C3orf49: variants seen among roughly 807,000 people sequenced by gnomAD.
C3orf49 encodes the protein putative uncharacterized protein C3orf49.
C3orf49 carries 27 observed loss-of-function variants against 13.3 expected under a neutral mutation model. That is an observed-to-expected ratio of 2.02 (90% CI 1.49 to 2.79). The LOEUF is 2.79. Ranked by LOEUF, C3orf49 falls within the 30% of genes most tolerant of loss-of-function variation. C3orf49 has a pLI of 0.00. For synonymous variants in C3orf49, 87 were observed against 47.6 expected (o/e 1.83, Z -3.40); for missense variants, 242 against 134.2 (o/e 1.80, Z -3.97).
chr3:63,794,281 G>T, the C3orf49 span, among the ~76,000 whole-genome samples: 1 of 151,842 alleles, frequency 6.6e-6, no homozygotes, highest in Non-Finnish European at 1.5e-5. Flanking sequence ...ATCTTCCTCC[G>T]TTTCTATAAA....
At chr3:63,780,945 T>A in the C3orf49 span, among the ~76,000 whole-genome samples, 41 of 152,206 alleles carry the variant, frequency 2.7e-4, no homozygotes, top group African/African-American at 8.2e-4. Context: ...AGGTTGCCTG[T>A]TCACTCTGAT....
chr3:63,829,217 TG>T (rs1701501987), intron 3 of C3orf49, among the ~76,000 whole-genome samples: 2 of 152,120 alleles, frequency 1.3e-5, no homozygotes, highest in African/African-American at 4.8e-5. Flanking sequence ...TCTGTAGGTT[TG>T]GGGGGTATAG....
At chr3:63,820,368 C>A (rs1243415406) in intron 1 of C3orf49, among the ~76,000 whole-genome samples, 1 of 152,130 alleles carries the variant, frequency 6.6e-6, no homozygotes, top group Non-Finnish European at 1.5e-5. Flanking sequence ...AAATTCAGTA[C>A]CAACACAAAA....
the C3orf49 span, among the ~76,000 whole-genome samples, chr3:63,782,049 A>G: frequency 1.3e-5 from 2 of 152,194 alleles, no homozygotes; most frequent in Admixed American, 6.5e-5. Flanking sequence ...TGTAAGAACC[A>G]GCTTCTTACT....
intron 5 of C3orf49, chr3:63,838,013 T>G: frequency 6.2e-7 from 1 of 1,609,822 alleles, no homozygotes; most frequent in Non-Finnish European, 8.5e-7. Flanking sequence ...CTTGAAGAAT[T>G]TGCTTTTTGC....
chr3:63,835,476 G>C, intron 5 of C3orf49: 2 of 1,228,398 alleles, frequency 1.6e-6, no homozygotes, highest in South Asian at 2.8e-5. Context: ...TACTAGATAG[G>C]ATTTTTAAAA....
the C3orf49 span, chr3:63,805,211 C>T: frequency 1.3e-5 from 2 of 152,114 alleles, no homozygotes; most frequent in Non-Finnish European, 2.9e-5. Flanking sequence ...TTCTCAATTA[C>T]AAAATTTGGA....
At chr3:63,806,961 T>C in the C3orf49 span, among the ~76,000 whole-genome samples, 4 of 152,138 alleles carry the variant, frequency 2.6e-5, no homozygotes, top group Admixed American at 6.5e-5. Flanking sequence ...ATTTTTTTTT[T>C]CTTTTTTTTA....
At chr3:63,797,787 TACATCTCAGA>T in the C3orf49 span, among the ~76,000 whole-genome samples, 10 of 152,168 alleles carry the variant, frequency 6.6e-5, no homozygotes, top group Non-Finnish European at 1.0e-4. Context: ...CCACTTTTTC[TACATCTCAGA>T]ACAAATATCA....
At chr3:63,804,075 G>T in the C3orf49 span, among the ~76,000 whole-genome samples, 2 of 152,044 alleles carry the variant, frequency 1.3e-5, no homozygotes, top group Non-Finnish European at 2.9e-5. Context: ...TGCCGCCACT[G>T]ATCTGACAGG....
rs535592832 is a variant in C3orf49, at chr3:63,845,161, CTGAGCTCTGCTCTCT to C, written c.*30+81_*30+95del. ...CCTGAGGGTTAAGTCCCCCTCAGAT[CTGAGCTCTGCTCTCT>C]TTAAGTATTTAAGCTCGCTGATATC... On this transcript the variant is annotated intron_variant, in intron 6 of 6. Transcript: ENST00000295896. The C allele has an allele frequency of 4.6e-5, 27 of 586,388 alleles. No homozygotes were observed. The East Asian group carries it at 6.9e-4, about 15-fold the overall frequency. 36.3% of individuals were successfully genotyped at this position (586,388 alleles called of 1,614,324 possible). A position where few individuals can be genotyped will look rare whatever the true frequency, so the allele number is the denominator to read the frequency against.
the C3orf49 span, among the ~76,000 whole-genome samples, chr3:63,789,249 A>G: frequency 4.6e-5 from 7 of 152,270 alleles, no homozygotes; most frequent in East Asian, 1.4e-3. Context: ...ATGCCTGATG[A>G]TATGAGGTGG....
At chr3:63,782,382 C>T in the C3orf49 span, 1 of 152,062 alleles carries the variant, frequency 6.6e-6, no homozygotes, top group Non-Finnish European at 1.5e-5. Context: ...AAAACATTTT[C>T]AAATTCAATT....
chr3:63,785,054 CTCT>C, the C3orf49 span, among the ~76,000 whole-genome samples: 15 of 135,566 alleles, frequency 1.1e-4, no homozygotes, highest in East Asian at 2.2e-4. Context: ...CACTGGACTT[CTCT>C]TCTTCTTCTT....
At chr3:63,830,318 T>G (rs115458166) in intron 3 of C3orf49, among the ~76,000 whole-genome samples, 31 of 152,356 alleles carry the variant, frequency 2.0e-4, no homozygotes, top group African/African-American at 7.5e-4. Context: ...AGAGGGGTCT[T>G]ACTTTAGATA....
At chr3:63,795,178 T>C in the C3orf49 span, among the ~76,000 whole-genome samples, 1 of 152,092 alleles carries the variant, frequency 6.6e-6, no homozygotes, top group Non-Finnish European at 1.5e-5. Flanking sequence ...CATAGGAATG[T>C]GACCTTTTTA....
the C3orf49 span, among the ~76,000 whole-genome samples, chr3:63,792,442 C>A: frequency 6.6e-6 from 1 of 152,186 alleles, no homozygotes; most frequent in African/African-American, 2.4e-5. Context: ...TATGCCTAAA[C>A]TAAATGATAT....
the C3orf49 span, among the ~76,000 whole-genome samples, chr3:63,811,809 G>C: frequency 6.6e-6 from 1 of 151,590 alleles, no homozygotes; most frequent in Non-Finnish European, 1.5e-5. Flanking sequence ...TGCTGGCATA[G>C]AATGATGGAA....
the C3orf49 span, among the ~76,000 whole-genome samples, chr3:63,802,390 G>A: frequency 1.3e-5 from 2 of 152,316 alleles, no homozygotes; most frequent in South Asian, 4.1e-4. Flanking sequence ...GCTGGGATAT[G>A]CCAAACCCCA....
Sources: gnomAD v4.1 joint callset for allele counts (sites outside exome capture counted in the v4.1 genomes callset) on GRCh38, gnomAD v4.1.1 for gene constraint, MANE v1.5 for transcripts, NCBI Gene and HGNC (gene_info 2026-07-23, HGNC 2026-07-21) for gene names.